CDK18: variants seen among roughly 807,000 people sequenced by gnomAD.
CDK18 encodes cyclin dependent kinase 18, also known as cyclin-dependent kinase 18.
A neutral mutation model predicts 62.0 loss-of-function variants in CDK18; 52 were observed. That is an observed-to-expected ratio of 0.84 (90% CI 0.67 to 1.06). CDK18 has a LOEUF of 1.06. CDK18 is among the 50% of genes least tolerant of loss of function. The pLI is 0.00. For missense variants in CDK18, 604 were observed against 619.9 expected (o/e 0.97, Z 0.27); for synonymous variants, 237 against 247.0 (o/e 0.96, Z 0.38).
chr1:205,507,951 AC>A (rs1667392851), intron 1 of CDK18, among the ~76,000 whole-genome samples: 1 of 152,150 alleles, frequency 6.6e-6, no homozygotes, highest in South Asian at 2.1e-4. Context: ...TGGGGGCCCT[AC>A]CTTCTGGCAG....
chr1:205,511,913 G>A (rs1188551996), intron 1 of CDK18, among the ~76,000 whole-genome samples: 1 of 152,176 alleles, frequency 6.6e-6, no homozygotes, highest in African/African-American at 2.4e-5. Flanking sequence ...AATTAGCTGG[G>A]TGTGGTGTCG....
chr1:205,523,458 G>C, intron 2 of CDK18, 25 bp from the exon 3 acceptor site: 1 of 1,595,862 alleles, frequency 6.3e-7, no homozygotes, highest in Non-Finnish European at 8.5e-7. Flanking sequence ...AGGCAGGGAG[G>C]GGAGCTGACG....
chr1:205,530,097 C>G (rs1415072127), intron 13 of CDK18, 162 bp from the exon 14 acceptor site: 2 of 1,444,620 alleles, frequency 1.4e-6, no homozygotes, highest in African/African-American at 2.8e-5. Flanking sequence ...TTGAGATGGC[C>G]TGAGGTTGGG....
chr1:205,518,804 C>A (rs1200541135), intron 1 of CDK18, among the ~76,000 whole-genome samples: 1 of 152,244 alleles, frequency 6.6e-6, no homozygotes, highest in Non-Finnish European at 1.5e-5. Flanking sequence ...CTTCCTCCTT[C>A]TGTGCCACCC....
chr1:205,529,408 C>T lies in CDK18; in HGVS notation c.1157C>T (p.Pro386Leu), dbSNP rs1428011881. ...TYSFPCYLPQPLINHAPRLDT... is the reference protein window; with the variant it reads ...TYSFPCYLPQLLINHAPRLDT... ...AGCTTCCCCTGCTACCTCCCGCAGC[C>T]GCTCATCAACCACGCGCCCAGGTAG... Residue 386 changes from proline (P) to leucine (L), a missense_variant, in exon 12 of 16, where the codon CCG (proline) becomes CTG (leucine). Transcript: ENST00000429964. 2.5e-6 allele frequency: 4 copies of T among 1,614,008 alleles called. No homozygotes were observed. The highest frequency in any genetic ancestry group is 3.4e-6 in the Non-Finnish European group (4 of 1,179,944).
Position 205,529,304 on chromosome 1 carries a change from A to T in CDK18, c.1073-20A>T, listed in dbSNP as rs754007824. The T allele has an allele frequency of 1.2e-6, 2 of 1,601,888 alleles. No individual in the cohort carries two copies. The highest frequency in any genetic ancestry group is 2.2e-5 in the South Asian group (2 of 90,350). ...CCTGGGCCTCACGCAGGCCCTCCCC[A>T]CCCTCTCTCGTCTCCCCAGGGACCC... On this transcript the variant is annotated intron_variant, in intron 11 of 15. Coordinates refer to ENST00000429964, the MANE Select transcript of CDK18 (RefSeq NM_212502.3).
Position 205,530,295 on chromosome 1 carries a change from C to T in CDK18, c.1258C>T (p.Leu420=). 1 of 1,613,368 alleles carries T rather than the reference C, an allele frequency of 6.2e-7. No individual in the cohort carries two copies. The highest frequency in any genetic ancestry group is 1.3e-5 in the African/African-American group (1 of 75,048). ...GAGTCGCATGTCAGCAGAGGCTGCCCTGAGTCACTCCTACTTCCGGTCTCT... is the reference window on the plus strand; with the variant it reads ...GAGTCGCATGTCAGCAGAGGCTGCCTTGAGTCACTCCTACTTCCGGTCTCT... The part of the protein sequence containing the change: ...SKSRMSAEAA[L]SHSYFRSLGE... The change falls in exon 14 of 16, where the codon CTG becomes TTG. Residue 420 remains leucine, a synonymous_variant. Transcript: ENST00000429964.
At chr1:205,525,988 G>A in intron 5 of CDK18, 77 bp from the exon 6 acceptor site, 1 of 1,013,844 alleles carries the variant, frequency 9.9e-7, no homozygotes, top group Non-Finnish European at 1.5e-6. Flanking sequence ...CCCAGGCAGA[G>A]GCACAAATGG....
At chr1:205,524,209 C>G (rs1226310085) in intron 3 of CDK18, 23 bp from the exon 4 acceptor site, 1 of 1,613,894 alleles carries the variant, frequency 6.2e-7, no homozygotes, top group Admixed American at 1.7e-5. Flanking sequence ...AGTGGTGTCC[C>G]CATCTCATCC....
At position 205,516,458 on chromosome 1, in the gene CDK18, C is replaced by T. The variant is rs950837333; in HGVS notation, c.-21-6689C>T. On this transcript the variant is annotated intron_variant, in intron 1 of 15. Coordinates refer to ENST00000429964, the MANE Select transcript of CDK18 (RefSeq NM_212502.3). This position sits in a 1 kb window ranked among gnomAD's most constrained non-coding sequence, Gnocchi z 4.8. ...ACGTCCCCCAACCCCTGCCCCTGGGCCCACAGAGACCAAGATTGAAAAGAA... is the reference window on the plus strand; with the variant it reads ...ACGTCCCCCAACCCCTGCCCCTGGGTCCACAGAGACCAAGATTGAAAAGAA... 2.0e-5 allele frequency among the ~76,000 whole-genome samples: 3 copies of T among 152,074 alleles called. No individual in the cohort carries two copies. The highest frequency in any genetic ancestry group is 1.3e-4 in the Admixed American group (2 of 15,272).
At position 205,528,238 on chromosome 1, in the gene CDK18, T is replaced by C; in HGVS notation, c.974+70T>C. 3 of 1,564,008 alleles carry C rather than the reference T, an allele frequency of 1.9e-6. No homozygotes were observed. The highest frequency in any genetic ancestry group is 2.6e-6 in the Non-Finnish European group (3 of 1,146,090). On this transcript the variant is annotated intron_variant, in intron 10 of 15. Coordinates refer to ENST00000429964, the MANE Select transcript of CDK18 (RefSeq NM_212502.3). This position sits in a 1 kb window ranked among gnomAD's most constrained non-coding sequence, Gnocchi z 4.2. ...CCACACCTCCAGACTCTCCTTTGCT[T>C]CCCCAAGGGCCTCGGGGAAGAACTG...
In CDK18 at chr1:205,527,168, T is replaced by C; in HGVS notation, c.729+331T>C. On this transcript the variant is annotated intron_variant, in intron 8 of 15. Transcript: ENST00000429964. This position sits in a 1 kb window ranked among gnomAD's most constrained non-coding sequence, Gnocchi z 4.1. ...TTCTGGGGAAGCTCGGGGTTATGAATGACCTCTCCTGGTGTTTGTTAAAGA... is the reference window on the plus strand; with the variant it reads ...TTCTGGGGAAGCTCGGGGTTATGAACGACCTCTCCTGGTGTTTGTTAAAGA... 1 of 347,788 alleles carries C rather than the reference T, an allele frequency of 2.9e-6. No homozygotes were observed. The highest frequency in any genetic ancestry group is 5.8e-5 in the East Asian group (1 of 17,370). The allele number at this position is 347,788 out of a possible 1,614,324, so 21.5% of individuals were successfully genotyped here. A position where few individuals can be genotyped will look rare whatever the true frequency, so the allele number is the denominator to read the frequency against.
intron 1 of CDK18, among the ~76,000 whole-genome samples, chr1:205,515,279 C>A (rs560643491): frequency 6.8e-6 from 1 of 147,342 alleles, no homozygotes; most frequent in Non-Finnish European, 1.5e-5. Context: ...TGGGTTCAAG[C>A]GATACTCCTG....
chr1:205,530,150 A>G, intron 13 of CDK18, 109 bp from the exon 14 acceptor site: 1 of 1,541,196 alleles, frequency 6.5e-7, no homozygotes, highest in Non-Finnish European at 8.7e-7. Flanking sequence ...TTCTCCTGTT[A>G]GCCTCAAGCC....
At chr1:205,506,592 AG>A (rs1377477692) in intron 1 of CDK18, among the ~76,000 whole-genome samples, 1 of 152,188 alleles carries the variant, frequency 6.6e-6, no homozygotes, top group Non-Finnish European at 1.5e-5. Context: ...CCCATTTTAC[AG>A]GTGAAGAAAC....
chr1:205,522,851 C>A, intron 1 of CDK18: 1 of 276,298 alleles, frequency 3.6e-6, no homozygotes, highest in Non-Finnish European at 6.9e-6. Flanking sequence ...GCTATTATGA[C>A]CAATACTTTG....
intron 1 of CDK18, among the ~76,000 whole-genome samples, chr1:205,507,565 C>T (rs753636745): frequency 1.6e-5 from 2 of 123,418 alleles, no homozygotes; most frequent in African/African-American, 3.1e-5. Flanking sequence ...ACCCGGGAGG[C>T]GGAGGTTGTA....
intron 1 of CDK18, among the ~76,000 whole-genome samples, chr1:205,514,994 G>A (rs1667747839): frequency 2.0e-5 from 3 of 152,138 alleles, no homozygotes; most frequent in Admixed American, 6.5e-5. Context: ...CAGGCCAAAT[G>A]ATTGCAAAGC....
rs777748186 is a variant in CDK18 at position 205,526,093 on chromosome 1, G to A, written c.485G>A (p.Arg162His). 3.0e-5 allele frequency: 49 copies of A among 1,613,602 alleles called. No individual in the cohort carries two copies. The highest frequency in any genetic ancestry group is 1.6e-4 in the Middle Eastern group (1 of 6,082). Reference sequence around the variant, plus strand: ...ACCTATGCCACAGTCTTCAAAGGGCGCAGCAAACTGACGGAGAACCTTGTG... The same window carrying A: ...ACCTATGCCACAGTCTTCAAAGGGCACAGCAAACTGACGGAGAACCTTGTG... ...EGTYATVFKG[R>H]SKLTENLVAL... Residue 162 changes from arginine (R) to histidine (H), a missense_variant, in exon 6 of 16, where the codon CGC (arginine) becomes CAC (histidine). Coordinates refer to ENST00000429964, the MANE Select transcript of CDK18 (RefSeq NM_212502.3).
Sources: gnomAD v4.1 joint callset for allele counts (sites outside exome capture counted in the v4.1 genomes callset) on GRCh38, gnomAD v4.1.1 for gene constraint, Gnocchi (gnomAD v3.1) non-coding constraint, MANE v1.5 for transcripts, NCBI Gene and HGNC (gene_info 2026-07-23, HGNC 2026-07-21) for gene names.